The following PLCB1 variants were observed in gnomAD, a reference collection of about 807,000 sequenced individuals.
The protein encoded by PLCB1 is phospholipase C beta 1, also known as 1-phosphatidylinositol 4,5-bisphosphate phosphodiesterase beta-1.
PLCB1 carries 46 observed loss-of-function variants against 161.8 expected under a neutral mutation model. The observed-to-expected ratio is 0.28, with a 90% CI of 0.22 to 0.36. The LOEUF is 0.36. Among genes scored for constraint, PLCB1 ranks in the 10% least tolerant of loss-of-function variants. The probability of loss-of-function intolerance (pLI) is 1.00; values close to 1 mark genes in which losing one functional copy is unlikely to be tolerated. For missense variants in PLCB1, 1,016 were observed against 1,472.5 expected (o/e 0.69, Z 5.07); for synonymous variants, 517 against 503.7 (o/e 1.03, Z -0.35).
chr20:8,617,838 T>C (rs6055951), intron 3 of PLCB1, among the ~76,000 whole-genome samples: 97,612 of 151,948 alleles, frequency 0.64, 32,046 homozygotes, highest in East Asian at 0.83. Context: ...GAAAAAAAGG[T>C]TATATATATA....
At chr20:8,788,229 AAG>A (rs1983583064) in intron 27 of PLCB1, among the ~76,000 whole-genome samples, 1 of 152,236 alleles carries the variant, frequency 6.6e-6, no homozygotes, top group Non-Finnish European at 1.5e-5. Context: ...TTTAATTAAA[AAG>A]AGATAATAAG....
At chr20:8,712,496 CCTGA>C (rs930232715) in intron 12 of PLCB1, among the ~76,000 whole-genome samples, 8 of 152,120 alleles carry the variant, frequency 5.3e-5, no homozygotes, top group African/African-American at 1.7e-4. Context: ...ACACCCTTAC[CCTGA>C]CTGAGAATTT....
At chr20:8,400,807 T>G (rs1050446062) in intron 3 of PLCB1, among the ~76,000 whole-genome samples, 3 of 152,162 alleles carry the variant, frequency 2.0e-5, no homozygotes, top group African/African-American at 7.2e-5. Flanking sequence ...TGTTTCCGGT[T>G]TTTTGCTGCC....
chr20:8,570,446 T>C (rs1445468413), intron 3 of PLCB1, among the ~76,000 whole-genome samples: 1 of 152,166 alleles, frequency 6.6e-6, no homozygotes, highest in Admixed American at 6.5e-5. Flanking sequence ...TATGTAAAGA[T>C]ACATATATAC....
At chr20:8,647,835 T>C in intron 5 of PLCB1, 65 bp from the exon 6 acceptor site, 1 of 1,281,936 alleles carries the variant, frequency 7.8e-7, no homozygotes, top group East Asian at 2.3e-5. Context: ...GAGTGTATTT[T>C]ATTGTTCAAG....
rs1374489770 is a variant in PLCB1 at position 8,778,021 on chromosome 20, G to C, written c.3111+3302G>C. 2.0e-5 allele frequency among the ~76,000 whole-genome samples: 3 copies of C among 151,986 alleles called. No individual in the cohort carries two copies. The East Asian group carries it at 5.8e-4, about 29-fold the overall frequency. ...CCCATGATTCATTACCTCCCACCAG[G>C]TCCCGCCCACAACATGTGGGAATTC... On this transcript the variant is annotated intron_variant, in intron 27 of 31. Coordinates refer to ENST00000338037, the MANE Select transcript of PLCB1 (RefSeq NM_015192.4).
chr20:8,832,503 G>C (rs377166259), intron 31 of PLCB1, among the ~76,000 whole-genome samples: 4 of 152,174 alleles, frequency 2.6e-5, no homozygotes, highest in African/African-American at 2.4e-5. Flanking sequence ...GGATCTCTTC[G>C]CATGTCCTTG....
At chr20:8,566,237 A>C (rs772371400) in intron 3 of PLCB1, among the ~76,000 whole-genome samples, 1 of 152,174 alleles carries the variant, frequency 6.6e-6, no homozygotes, top group Non-Finnish European at 1.5e-5. Context: ...GTGCCTTATC[A>C]ACAGGTGGAA....
chr20:8,587,479 A>G (rs1987024845), intron 3 of PLCB1, among the ~76,000 whole-genome samples: 1 of 152,212 alleles, frequency 6.6e-6, no homozygotes, highest in African/African-American at 2.4e-5. Flanking sequence ...AGGGGACTTC[A>G]TGTCATTCCA....
At chr20:8,629,825 C>CTTTTCTTTCTTTTCT (rs11087813) in intron 4 of PLCB1, among the ~76,000 whole-genome samples, 1 of 71,770 alleles carries the variant, frequency 1.4e-5, no homozygotes, top group African/African-American at 5.6e-5. Flanking sequence ...TCTTTTCTTT[C>CTTTTCTTTCTTTTCT]TTTCTTTCTT....
chr20:8,208,551 T>G (rs2123139672), intron 2 of PLCB1, among the ~76,000 whole-genome samples: 1 of 152,076 alleles, frequency 6.6e-6, no homozygotes, highest in South Asian at 2.1e-4. Flanking sequence ...AATTAAAGGG[T>G]TTATCATCTC....
chr20:8,190,686 C>G (rs546425293), intron 2 of PLCB1, among the ~76,000 whole-genome samples: 19 of 152,186 alleles, frequency 1.2e-4, no homozygotes, highest in African/African-American at 4.6e-4. Context: ...AAGCCACTTG[C>G]TAGTGTAAGT....
At chr20:8,791,263 T>A (rs1253847598) in intron 31 of PLCB1, among the ~76,000 whole-genome samples, 8 of 152,282 alleles carry the variant, frequency 5.3e-5, no homozygotes, top group Non-Finnish European at 1.0e-4. Flanking sequence ...ATGGTGCTAA[T>A]TCTTACGTTT....
At chr20:8,397,771 T>C (rs1193027075) in intron 3 of PLCB1, among the ~76,000 whole-genome samples, 1 of 152,174 alleles carries the variant, frequency 6.6e-6, no homozygotes, top group Non-Finnish European at 1.5e-5. Context: ...TCAATACCTC[T>C]TCATATGGGT....
chr20:8,405,462 C>G (rs570758813), intron 3 of PLCB1, among the ~76,000 whole-genome samples: 1 of 152,128 alleles, frequency 6.6e-6, no homozygotes, highest in Non-Finnish European at 1.5e-5. Flanking sequence ...TCGCCCAAAG[C>G]AAGTCTCAAG....
chr20:8,424,071 T>C (rs1423562401), intron 3 of PLCB1, among the ~76,000 whole-genome samples: 4 of 152,138 alleles, frequency 2.6e-5, no homozygotes, highest in Non-Finnish European at 5.9e-5. Flanking sequence ...ACTCCTTCCA[T>C]TTTACAATTC....
chr20:8,880,057 G>T (rs923746381), intron 31 of PLCB1, among the ~76,000 whole-genome samples: 1 of 152,084 alleles, frequency 6.6e-6, no homozygotes, highest in Admixed American at 6.6e-5. Flanking sequence ...ACAGAATCAA[G>T]ATCAAATTCC....
chr20:8,283,514 T>C (rs932100609), intron 2 of PLCB1, among the ~76,000 whole-genome samples: 2 of 151,326 alleles, frequency 1.3e-5, no homozygotes. Context: ...TTTAAAACTT[T>C]ATTTTAATGG....
At chr20:8,433,030 C>G (rs904286656) in intron 3 of PLCB1, among the ~76,000 whole-genome samples, 5 of 152,178 alleles carry the variant, frequency 3.3e-5, no homozygotes, top group African/African-American at 9.7e-5. Context: ...CAAACAGATT[C>G]AGGATGATCC....
Sources: gnomAD v4.1 joint callset for allele counts (sites outside exome capture counted in the v4.1 genomes callset) on GRCh38, gnomAD v4.1.1 for gene constraint, MANE v1.5 for transcripts, NCBI Gene and HGNC (gene_info 2026-07-23, HGNC 2026-07-21) for gene names.